SMPD3: variants seen among roughly 807,000 people sequenced by gnomAD.
SMPD3 encodes the protein nSMase-2.
In SMPD3, 21 loss-of-function variants were observed where a neutral mutation model predicts 55.7. That is an observed-to-expected ratio of 0.38 (90% CI 0.27 to 0.54). The LOEUF is 0.54. Ranked by LOEUF, SMPD3 falls within the 20% of genes least tolerant of loss-of-function variation. SMPD3 has a pLI of 0.80. For synonymous variants in SMPD3, 457 were observed against 404.3 expected (o/e 1.13, Z -1.56); for missense variants, 842 against 899.6 (o/e 0.94, Z 0.82).
chr16:68,446,760 A>G (rs2090613285), intron 1 of SMPD3, among the ~76,000 whole-genome samples: 1 of 152,090 alleles, frequency 6.6e-6, no homozygotes, highest in South Asian at 2.1e-4. Flanking sequence ...CGCCCTGTGA[A>G]CTCCAGGCCC....
chr16:68,374,364 C>G (rs1300561130), intron 2 of SMPD3, among the ~76,000 whole-genome samples: 1 of 152,252 alleles, frequency 6.6e-6, no homozygotes, highest in Non-Finnish European at 1.5e-5. Context: ...AGCAGCTTCA[C>G]AAGGCTGTCA....
At chr16:68,418,002 G>A (rs959353230) in intron 1 of SMPD3, among the ~76,000 whole-genome samples, 1 of 152,186 alleles carries the variant, frequency 6.6e-6, no homozygotes, top group Non-Finnish European at 1.5e-5. Flanking sequence ...GCACATGCCT[G>A]GTACATATCA....
chr16:68,367,025 T>A (rs1489254780), intron 3 of SMPD3, among the ~76,000 whole-genome samples: 27 of 127,026 alleles, frequency 2.1e-4, no homozygotes, highest in African/African-American at 8.5e-4. Context: ...AAAAAAAAAA[T>A]TAGCTGGGTG....
intron 1 of SMPD3, among the ~76,000 whole-genome samples, chr16:68,437,673 A>T (rs952109022): frequency 6.6e-6 from 1 of 152,194 alleles, no homozygotes; most frequent in Non-Finnish European, 1.5e-5. Flanking sequence ...CATAGCTGTG[A>T]AAGTTACCTC....
At chr16:68,409,435 T>C (rs543605906) in intron 1 of SMPD3, among the ~76,000 whole-genome samples, 2 of 152,268 alleles carry the variant, frequency 1.3e-5, no homozygotes. Context: ...GAGTTGGGAT[T>C]TGGGTAAGTC....
intron 2 of SMPD3, among the ~76,000 whole-genome samples, chr16:68,376,014 C>T (rs991384849): frequency 1.8e-4 from 28 of 152,158 alleles, no homozygotes; most frequent in African/African-American, 5.6e-4. Flanking sequence ...AAGCCGCTGG[C>T]GCAGGAGACA....
intron 2 of SMPD3, among the ~76,000 whole-genome samples, chr16:68,375,629 C>A (rs2089792194): frequency 1.3e-5 from 2 of 148,980 alleles, no homozygotes; most frequent in Admixed American, 1.3e-4. Context: ...AGGAGAGAGA[C>A]TCTCTCCTCA....
rs201650319 is a variant in SMPD3, at chr16:68,371,586, G to A, written c.596C>T (p.Ala199Val). ...SPQGGDGVARAVPGSIKRTAS... is the reference protein window; with the variant it reads ...SPQGGDGVARVVPGSIKRTAS... ...TGTCCTCTTAATGCTCCCGGGGACGGCCCGGGCCACCCCATCGCCGCCCTG... is the reference window on the plus strand; with the variant it reads ...TGTCCTCTTAATGCTCCCGGGGACGACCCGGGCCACCCCATCGCCGCCCTG... Residue 199 changes from alanine to valine, a missense_variant, in exon 3 of 9, where the codon GCC (alanine) becomes GTC (valine). Physicochemically the swap from Ala to Val is moderately conservative, Grantham distance 64. Around this residue, in one of 2 missense-constraint regions of SMPD3, gnomAD observed 649 missense variants for 643.6 expected, o/e 1.01. Coordinates refer to ENST00000219334, the MANE Select transcript of SMPD3 (RefSeq NM_018667.4). The A allele has an allele frequency of 1.7e-5, 27 of 1,576,422 alleles. 1 individual carries two copies. In the Middle Eastern group the frequency reaches 1.7e-3, roughly 99 times the overall value.
rs997208151 is a variant in SMPD3, at chr16:68,400,273, G to T, written c.-268-13614C>A. Among the ~76,000 whole-genome samples, 3 of 152,324 alleles carry T rather than the reference G, an allele frequency of 2.0e-5. 1 individual carries two copies. The highest frequency in any genetic ancestry group is 4.1e-4 in the South Asian group (2 of 4,828). ...TTTGTGGAGGTGCTGGAAGCTGTGA[G>T]GTTTCTTGTTGAGTCCAGCCCAGCT... On this transcript the variant is annotated intron_variant, in intron 1 of 8. Coordinates refer to ENST00000219334, the MANE Select transcript of SMPD3 (RefSeq NM_018667.4).
At position 68,372,395 on chromosome 16, in the gene SMPD3, G is replaced by T; in HGVS notation, c.-206-8C>A. 1.6e-6 allele frequency: 1 copy of T among 619,666 alleles called. No individual in the cohort carries two copies. The highest frequency in any genetic ancestry group is 2.8e-6 in the Non-Finnish European group (1 of 355,286). 38.4% of individuals were successfully genotyped at this position (619,666 alleles called of 1,614,324 possible). A position where few individuals can be genotyped will look rare whatever the true frequency, so the allele number is the denominator to read the frequency against. On this transcript the variant is annotated splice_polypyrimidine_tract_variant and splice_region_variant and intron_variant, in intron 2 of 8. Coordinates refer to ENST00000219334, the MANE Select transcript of SMPD3 (RefSeq NM_018667.4). ...GGAGGCCTACTGCAGACCCTGCAGA[G>T]ACAAAAGTAGGGGGACTGTTTTTAG...
chr16:68,428,385 C>T (rs1194778510), intron 1 of SMPD3, among the ~76,000 whole-genome samples: 8 of 152,212 alleles, frequency 5.3e-5, no homozygotes, highest in Admixed American at 2.0e-4. Flanking sequence ...CCACTCCACC[C>T]TGGTTTACAA....
chr16:68,375,072 C>G (rs1295048184), intron 2 of SMPD3, among the ~76,000 whole-genome samples: 1 of 152,220 alleles, frequency 6.6e-6, no homozygotes, highest in Non-Finnish European at 1.5e-5. Context: ...GTCACCAGCC[C>G]AGCCTGGCCA....
intron 1 of SMPD3, among the ~76,000 whole-genome samples, chr16:68,424,164 GA>G (rs2090417704): frequency 6.7e-6 from 1 of 150,318 alleles, no homozygotes; most frequent in Non-Finnish European, 1.5e-5. Flanking sequence ...CTGGCTGTGG[GA>G]ACAACAGTTT....
intron 1 of SMPD3, among the ~76,000 whole-genome samples, chr16:68,410,199 G>A (rs1024904289): frequency 1.3e-5 from 2 of 152,216 alleles, no homozygotes; most frequent in African/African-American, 4.8e-5. Context: ...CGAATGCCCC[G>A]TGGGTGCTGG....
intron 1 of SMPD3, among the ~76,000 whole-genome samples, chr16:68,441,929 C>T (rs935474157): frequency 4.6e-5 from 7 of 152,094 alleles, no homozygotes; most frequent in Non-Finnish European, 1.0e-4. Context: ...CCATGCCTAG[C>T]TAATGTTTTT....
At chr16:68,432,963 C>A (rs2090492038) in intron 1 of SMPD3, among the ~76,000 whole-genome samples, 1 of 152,016 alleles carries the variant, frequency 6.6e-6, no homozygotes, top group South Asian at 2.1e-4. Context: ...GCCAGCATGC[C>A]CAGCTAATGT....
At position 68,363,563 on chromosome 16, in the gene SMPD3, G is replaced by A. The variant is rs370136036; in HGVS notation, c.1646-4C>T. The A allele has an allele frequency of 6.2e-7, 1 of 1,612,526 alleles. No individual in the cohort carries two copies. Among genetic ancestry groups the A allele is most frequent in the Non-Finnish European group, 8.5e-7 (1 of 1,179,300 alleles). ...CCGTTCGTGTCCAGCAGAGTACCTG[G>A]GGGGGACGAGGGGGTGACAGTGGTC... On this transcript the variant is annotated splice_polypyrimidine_tract_variant and splice_region_variant and intron_variant, in intron 6 of 8. Coordinates refer to ENST00000219334, the MANE Select transcript of SMPD3 (RefSeq NM_018667.4).
At chr16:68,442,694 C>T (rs1180117008) in intron 1 of SMPD3, among the ~76,000 whole-genome samples, 2 of 152,228 alleles carry the variant, frequency 1.3e-5, no homozygotes, top group African/African-American at 4.8e-5. Context: ...GGAGGTGGTA[C>T]TCAGCCCTAG....
intron 1 of SMPD3, among the ~76,000 whole-genome samples, chr16:68,395,766 G>T (rs2090151042): frequency 6.6e-6 from 1 of 152,204 alleles, no homozygotes; most frequent in South Asian, 2.1e-4. Flanking sequence ...GAGAGACTAT[G>T]TGTATAGGTA....
Sources: gnomAD v4.1 joint callset for allele counts (sites outside exome capture counted in the v4.1 genomes callset) on GRCh38, gnomAD v4.1.1 for gene constraint, gnomAD v4.1.1 regional missense constraint, MANE v1.5 for transcripts, NCBI Gene and HGNC (gene_info 2026-07-23, HGNC 2026-07-21) for gene names.